The following IFIT1 variants were observed in gnomAD, a reference collection of about 807,000 sequenced individuals.
The protein encoded by IFIT1 is interferon induced protein with tetratricopeptide repeats 1, also known as antiviral innate immune response effector IFIT1.
Under a neutral mutation model 2.5 loss-of-function variants are expected in IFIT1, and 1 was observed. The ratio of observed to expected loss-of-function variants is 0.40; its 90% CI spans 0.14 to 1.92. The LOEUF (loss-of-function observed/expected upper bound fraction) is 1.92. IFIT1 is among the 40% of genes most tolerant of loss of function. The pLI, the probability that IFIT1 is intolerant of heterozygous loss-of-function variation, is 0.31. For missense variants in IFIT1, 508 were observed against 557.8 expected, an observed-to-expected ratio of 0.91 and a Z score of 0.90; for synonymous variants, 191 against 201.7, an observed-to-expected ratio of 0.95 and a Z score of 0.45.
In IFIT1 at chr10:89,402,755, C is replaced by T. The variant is rs1240450052; in HGVS notation, c.480C>T (p.Ala160=). 2 of 1,614,056 alleles carry T rather than the reference C, an allele frequency of 1.2e-6. No homozygotes were observed. The highest frequency in any genetic ancestry group is 1.1e-5 in the South Asian group (1 of 91,088). ...LKCGGKNYER[A]KACFEKVLEV... ...GTGGAGGAAAAAATTATGAACGGGC[C>T]AAGGCCTGCTTTGAAAAGGTGCTTG... The change falls in exon 2 of 2, where the codon GCC becomes GCT. Residue 160 remains alanine, a synonymous_variant. Coordinates refer to ENST00000371804, the MANE Select transcript of IFIT1 (RefSeq NM_001548.5).
rs916226212 is a variant in IFIT1 at position 89,403,267 on chromosome 10, C to T, written c.992C>T (p.Ser331Phe). 1.9e-6 allele frequency: 3 copies of T among 1,614,022 alleles called. No individual in the cohort carries two copies. Among genetic ancestry groups the T allele is most frequent in the Non-Finnish European group, 2.5e-6 (3 of 1,180,036 alleles). The change falls in exon 2 of 2, where the codon TCT becomes TTT. Residue 331 changes from serine (S) to phenylalanine (F), a missense_variant. By Grantham distance (155) the Ser-to-Phe change is radical (BLOSUM62 -2). Transcript: ENST00000371804. ...AGATCAGCCATATTTCATTTTGAAT[C>T]TGCAGTGGAAAAAAAGCCCACATTT... ...MIRSAIFHFE[S>F]AVEKKPTFEV...
chr10:89,400,848 G>A (rs1229599351), intron 1 of IFIT1, among the ~76,000 whole-genome samples: 1 of 152,146 alleles, frequency 6.6e-6, no homozygotes, highest in African/African-American at 2.4e-5. Context: ...TGATCGTGGA[G>A]GAAAAGCTTT....
chr10:89,402,294 GATC>G lies in IFIT1; in HGVS notation c.24_26del (p.His8del). Reference sequence around the variant, plus strand: ...TTGTTTTTACAGTACAAATGGTGATGATCATCAGGTCAAGGATAGTCTGGAGCA... The same window carrying G: ...TTGTTTTTACAGTACAAATGGTGATGATCAGGTCAAGGATAGTCTGGAGCA... On this transcript the variant is annotated inframe_deletion, in exon 2 of 2. Coordinates refer to ENST00000371804, the MANE Select transcript of IFIT1 (RefSeq NM_001548.5). The G allele has an allele frequency of 6.2e-7, 1 of 1,608,194 alleles. No homozygotes were observed. Among genetic ancestry groups the G allele is most frequent in the East Asian group, 2.2e-5 (1 of 44,850 alleles).
At position 89,403,761 on chromosome 10, in the gene IFIT1, ATTTACTAATCATC is replaced by A. The variant is rs758894171; in HGVS notation, c.*53_*65del. ...ACATTTCATTTCATTTTATGCTAAC[ATTTACTAATCATC>A]TTTTCTGCTTACTGTTTTCAGAAAC... is the stretch of plus-strand genomic sequence containing the variant. On this transcript the variant is annotated 3_prime_UTR_variant, in exon 2 of 2. Transcript: ENST00000371804. 5 of 985,654 alleles carry A rather than the reference ATTTACTAATCATC, an allele frequency of 5.1e-6. No homozygotes were observed. The highest frequency in any genetic ancestry group is 7.6e-6 in the Non-Finnish European group (5 of 654,324). 61.1% of individuals were successfully genotyped at this position (985,654 alleles called of 1,614,324 possible).
rs1162546133 is a variant in IFIT1 at position 89,403,125 on chromosome 10, T to TC, written c.851dup (p.Val285CysfsTer27). 6.2e-7 allele frequency: 1 copy of TC among 1,614,026 alleles called. No individual in the cohort carries two copies. The highest frequency in any genetic ancestry group is 1.3e-5 in the African/African-American group (1 of 74,928). Reference sequence around the variant, plus strand: ...AAAGGCCTTGCAGGAAACACCCACTTCTGTCTTACTGCATCACCAGATAGG... The same window carrying TC: ...AAAGGCCTTGCAGGAAACACCCACTTCCTGTCTTACTGCATCACCAGATAGG... On this transcript the variant is annotated frameshift_variant, in exon 2 of 2. Transcript: ENST00000371804. LOFTEE classifies it low-confidence loss of function (END_TRUNC).
At chr10:89,393,562 A>G (rs1844290088) in intron 1 of IFIT1, among the ~76,000 whole-genome samples, 1 of 152,168 alleles carries the variant, frequency 6.6e-6, no homozygotes, top group African/African-American at 2.4e-5. Context: ...GTGAAACCCC[A>G]TCTCTACTAA....
rs758085363 is a variant in IFIT1, at chr10:89,403,046, A to T, written c.771A>T (p.Ala257=). ...CACAGACCTATGTCTTTCGATATGC[A>T]GCCAAGTTTTACCGAAGAAAAGGCT... is the stretch of plus-strand genomic sequence containing the variant. ...MSSQTYVFRY[A]AKFYRRKGSV... Residue 257 remains alanine (A), a synonymous_variant, in exon 2 of 2, where the codon GCA becomes GCT. Coordinates refer to ENST00000371804, the MANE Select transcript of IFIT1 (RefSeq NM_001548.5). 6.2e-7 allele frequency: 1 copy of T among 1,614,258 alleles called. No individual in the cohort carries two copies. The highest frequency in any genetic ancestry group is 8.5e-7 in the Non-Finnish European group (1 of 1,180,036).
At position 89,403,423 on chromosome 10, in the gene IFIT1, A is replaced by T; in HGVS notation, c.1148A>T (p.His383Leu). The change falls in exon 2 of 2, where the codon CAC (histidine) becomes CTC (leucine). Residue 383 changes from histidine to leucine, a missense_variant. His to Leu is a moderately conservative substitution (Grantham distance 99, BLOSUM62 -3). Coordinates refer to ENST00000371804, the MANE Select transcript of IFIT1 (RefSeq NM_001548.5). The part of the protein sequence containing the change: ...VEETMQDIHF[H>L]YGRFQEFQKK... Reference sequence around the variant, plus strand: ...GAAACAATGCAAGACATACATTTCCACTATGGTCGGTTTCAGGAATTTCAA... The same window carrying T: ...GAAACAATGCAAGACATACATTTCCTCTATGGTCGGTTTCAGGAATTTCAA... The T allele has an allele frequency of 6.2e-7, 1 of 1,613,992 alleles. No individual in the cohort carries two copies. The highest frequency in any genetic ancestry group is 8.5e-7 in the Non-Finnish European group (1 of 1,179,972).
chr10:89,402,561 G>A lies in IFIT1; in HGVS notation c.286G>A (p.Val96Met), dbSNP rs1210836368. The A allele has an allele frequency of 6.2e-7, 1 of 1,613,998 alleles. No individual in the cohort carries two copies. Among genetic ancestry groups the A allele is most frequent in the Non-Finnish European group, 8.5e-7 (1 of 1,179,956 alleles). Reference protein sequence around the residue: ...HDNQANVRSLVTWGNFAWMYY... With the variant: ...HDNQANVRSLMTWGNFAWMYY... ...CAACCAAGCAAATGTGAGGAGTCTG[G>A]TGACCTGGGGCAACTTTGCCTGGAT... is the stretch of plus-strand genomic sequence containing the variant. Residue 96 changes from valine (V) to methionine (M), a missense_variant, in exon 2 of 2, where the codon GTG becomes ATG. Coordinates refer to ENST00000371804, the MANE Select transcript of IFIT1 (RefSeq NM_001548.5).
At chr10:89,392,947 C>T (rs1389693934) in intron 1 of IFIT1, among the ~76,000 whole-genome samples, 1 of 152,140 alleles carries the variant, frequency 6.6e-6, no homozygotes, top group African/African-American at 2.4e-5. Context: ...AAGCTTACCT[C>T]ATGCTATAGC....
Position 89,403,256 on chromosome 10 carries a change from T to G in IFIT1, c.981T>G (p.Phe327Leu), listed in dbSNP as rs1326036048. 4 of 1,614,092 alleles carry G rather than the reference T, an allele frequency of 2.5e-6. No homozygotes were observed. In the Admixed American group the frequency reaches 5.0e-5, roughly 20 times the overall value. ...KLDKMIRSAI[F>L]HFESAVEKKP... ...ACAAAATGATAAGATCAGCCATATT[T>G]CATTTTGAATCTGCAGTGGAAAAAA... The change falls in exon 2 of 2, where the codon TTT becomes TTG. Residue 327 changes from phenylalanine to leucine, a missense_variant. Physicochemically the swap from Phe to Leu is conservative, Grantham distance 22. Transcript: ENST00000371804.
intron 1 of IFIT1, among the ~76,000 whole-genome samples, chr10:89,395,935 C>T (rs1313188558): frequency 6.6e-6 from 1 of 152,118 alleles, no homozygotes; most frequent in Non-Finnish European, 1.5e-5. Flanking sequence ...TTTATGGCTA[C>T]ATAATATTCC....
rs1045189462 is a variant in IFIT1 at position 89,404,694 on chromosome 10, C to T, written c.*982C>T. On this transcript the variant is annotated 3_prime_UTR_variant, in exon 2 of 2. Transcript: ENST00000371804. Reference sequence around the variant, plus strand: ...GGAGAGGAGGCTGCAGTGGCTCACGCCTGTAATCTCAGCACTTCGATGGGA... The same window carrying T: ...GGAGAGGAGGCTGCAGTGGCTCACGTCTGTAATCTCAGCACTTCGATGGGA... 4 of 152,292 alleles carry T rather than the reference C, an allele frequency of 2.6e-5. No individual in the cohort carries two copies. Among genetic ancestry groups the T allele is most frequent in the Non-Finnish European group, 5.9e-5 (4 of 68,084 alleles). The allele number at this position is 152,292 out of a possible 1,614,324, so 9.4% of individuals were successfully genotyped here. A position where few individuals can be genotyped will look rare whatever the true frequency, so the allele number is the denominator to read the frequency against.
At chr10:89,400,398 T>C (rs545763084) in intron 1 of IFIT1, among the ~76,000 whole-genome samples, 31 of 152,348 alleles carry the variant, frequency 2.0e-4, no homozygotes, top group Admixed American at 1.8e-3. Flanking sequence ...TGTCTTCTAA[T>C]CCACGAACAA....
chr10:89,402,241 T>C (rs1844436536), intron 1 of IFIT1, 40 bp from the exon 2 acceptor site: 12 of 1,347,184 alleles, frequency 8.9e-6, no homozygotes, highest in Non-Finnish European at 1.1e-5. Context: ...CTTTTAGCTG[T>C]TCCTCACCTA....
In IFIT1 at chr10:89,403,015, T is replaced by C. The variant is rs763929566; in HGVS notation, c.740T>C (p.Met247Thr). 6 of 1,614,106 alleles carry C rather than the reference T, an allele frequency of 3.7e-6. No homozygotes were observed. In the African/African-American group the frequency reaches 4.0e-5, roughly 11 times the overall value. ...TACATTGAAGAAGCTCTAGCCAACA[T>C]GTCCTCACAGACCTATGTCTTTCGA... ...EKYIEEALAN[M>T]SSQTYVFRYA... The change falls in exon 2 of 2, where the codon ATG becomes ACG. Residue 247 changes from methionine (M) to threonine (T), a missense_variant. Met to Thr is a moderately conservative substitution (Grantham distance 81, BLOSUM62 -1). Transcript: ENST00000371804.
chr10:89,394,655 A>C (rs1240033892), intron 1 of IFIT1, among the ~76,000 whole-genome samples: 1 of 144,114 alleles, frequency 6.9e-6, no homozygotes, highest in Non-Finnish European at 1.5e-5. Context: ...CAGGTTAGCA[A>C]TGTGATTTTT....
At chr10:89,393,704 T>C (rs1184957733) in intron 1 of IFIT1, among the ~76,000 whole-genome samples, 1 of 152,232 alleles carries the variant, frequency 6.6e-6, no homozygotes, top group Admixed American at 6.5e-5. Flanking sequence ...CACTCCAGCC[T>C]GGGCAACAGA....
At position 89,403,313 on chromosome 10, in the gene IFIT1, G is replaced by A. The variant is rs199627586; in HGVS notation, c.1038G>A (p.Leu346=). 5.5e-5 allele frequency: 89 copies of A among 1,613,782 alleles called. No homozygotes were observed. The African/African-American group carries it at 1.1e-3, about 19-fold the overall frequency. Residue 346 remains leucine (L), a synonymous_variant, in exon 2 of 2, where the codon CTG becomes CTA. Transcript: ENST00000371804. ...CATTTGAGGTGGCTCATCTAGACCTGGCAAGAATGTATATAGAAGCAGGCA... is the reference window on the plus strand; with the variant it reads ...CATTTGAGGTGGCTCATCTAGACCTAGCAAGAATGTATATAGAAGCAGGCA... The part of the protein sequence containing the change: ...KPTFEVAHLD[L]ARMYIEAGNH...
Sources: allele counts gnomAD v4.1 joint callset (sites outside exome capture counted in the v4.1 genomes callset), GRCh38; gene constraint gnomAD v4.1.1; transcripts MANE v1.5; gene names NCBI Gene and HGNC (gene_info 2026-07-23, HGNC 2026-07-21).